CACNA1G: variants seen among roughly 807,000 people sequenced by gnomAD.
The protein encoded by CACNA1G is calcium voltage-gated channel subunit alpha1 G, also known as voltage-dependent T-type calcium channel subunit alpha-1G.
In CACNA1G, 67 loss-of-function variants were observed where a neutral mutation model predicts 219.4. That is an observed-to-expected ratio of 0.31 (90% CI 0.25 to 0.37). The LOEUF is 0.37. CACNA1G is among the 10% of genes least tolerant of loss of function. The pLI is 1.00. For synonymous variants in CACNA1G, 1,296 were observed against 1,345.3 expected (o/e 0.96, Z 0.80); for missense variants, 2,380 against 3,231.4 (o/e 0.74, Z 6.39).
rs532438743 is a variant in CACNA1G at position 50,618,050 on chromosome 17, G to C, written c.5229G>C (p.Val1743=). ...CTATTTCTTCTCCTTTTTTCCAGGT[G>C]GGGAACCTGGGACTTCTCTTCATGT... is the stretch of plus-strand genomic sequence containing the variant. ...LDTVMQALPQ[V]GNLGLLFMLL... Residue 1743 remains valine, a splice_region_variant and synonymous_variant, in exon 31 of 38, where the codon GTG becomes GTC. Transcript: ENST00000359106. The surrounding 1 kb of genome is among the most constrained non-coding windows in gnomAD (Gnocchi z 5.3). The C allele has an allele frequency of 6.2e-7, 1 of 1,613,804 alleles. No homozygotes were observed. The highest frequency in any genetic ancestry group is 8.5e-7 in the Non-Finnish European group (1 of 1,179,776).
In CACNA1G at chr17:50,589,894, T is replaced by TCTCTCTCTCTC. The variant is rs1555655436; in HGVS notation, c.2302-577_2302-576insCTCTCTCTCTC. On this transcript the variant is annotated intron_variant, in intron 9 of 37. Coordinates refer to ENST00000359106, the MANE Select transcript of CACNA1G (RefSeq NM_018896.5). ...TGTGTGACTGGGAATGCGTGCATTT[T>TCTCTCTCTCTC]TCTCTCTCTCTCTCTCTCTGTGTGT... is the stretch of plus-strand genomic sequence containing the variant. Among the ~76,000 whole-genome samples, 348 of 138,852 alleles carry TCTCTCTCTCTC rather than the reference T, an allele frequency of 2.5e-3. 4 individuals carry two copies. Among genetic ancestry groups the TCTCTCTCTCTC allele is most frequent in the African/African-American group, 9.4e-3 (334 of 35,466 alleles). The allele number at this position is 138,852 out of a possible 152,430, so 91.1% of individuals were successfully genotyped here. A position where few individuals can be genotyped will look rare whatever the true frequency, so the allele number is the denominator to read the frequency against.
chr17:50,626,121 T>C lies in CACNA1G; in HGVS notation c.6504T>C (p.Ser2168=), dbSNP rs1304992962. The C allele has an allele frequency of 6.2e-7, 1 of 1,613,666 alleles. No homozygotes were observed. Among genetic ancestry groups the C allele is most frequent in the East Asian group, 2.2e-5 (1 of 44,850 alleles). Reference sequence around the variant, plus strand: ...CCCCGCCCCTGGCCCGGGCCTACTCTTTCTGGGGCCAGTCAAGTACCCAGG... The same window carrying C: ...CCCCGCCCCTGGCCCGGGCCTACTCCTTCTGGGGCCAGTCAAGTACCCAGG... The part of the protein sequence containing the change: ...GPSPPLARAY[S]FWGQSSTQAQ... Residue 2168 remains serine (S), a synonymous_variant, in exon 38 of 38, where the codon TCT becomes TCC. Coordinates refer to ENST00000359106, the MANE Select transcript of CACNA1G (RefSeq NM_018896.5). This position sits in a 1 kb window ranked among gnomAD's most constrained non-coding sequence, Gnocchi z 4.3.
chr17:50,616,364 C>T lies in CACNA1G; in HGVS notation c.5001C>T (p.Phe1667=), dbSNP rs2050598737. ...ESVFKLVAFG[F]RRFFQDRWNQ... is the part of the protein sequence containing the mutation. ...TTTTCAAACTTGTGGCCTTTGGTTT[C>T]CGTCGGTTCTTCCAGGACAGGTAAC... Residue 1667 remains phenylalanine, a synonymous_variant, in exon 28 of 38, where the codon TTC becomes TTT. Coordinates refer to ENST00000359106, the MANE Select transcript of CACNA1G (RefSeq NM_018896.5). 3 of 1,612,100 alleles carry T rather than the reference C, an allele frequency of 1.9e-6. No individual in the cohort carries two copies. Among genetic ancestry groups the T allele is most frequent in the Non-Finnish European group, 2.5e-6 (3 of 1,178,208 alleles).
In CACNA1G at chr17:50,599,500, A is replaced by C; in HGVS notation, c.3331A>C (p.Asn1111His). 2 of 1,603,428 alleles carry C rather than the reference A, an allele frequency of 1.2e-6. No homozygotes were observed. Among genetic ancestry groups the C allele is most frequent in the African/African-American group, 2.7e-5 (2 of 74,880 alleles). ...SSWTSRRSSR[N>H]SLGRAPSLKR... ...CTGGACCAGCAGGCGCTCCAGCCGG[A>C]ACAGCCTCGGCCGTGCACCCAGCCT... The change falls in exon 17 of 38, where the codon AAC becomes CAC. Residue 1111 changes from asparagine (N) to histidine (H), a missense_variant. By Grantham distance (68) the Asn-to-His change is moderately conservative. Around this residue, in one of 17 missense-constraint regions of CACNA1G, gnomAD observed 418 missense variants for 434.3 expected, o/e 0.96. Transcript: ENST00000359106.
rs374247829 is a variant in CACNA1G, at chr17:50,621,264, A to ATT, written c.5926-383_5926-382dup. Reference sequence around the variant, plus strand: ...GACAGTGCTTTGCTGGCCTTTCTTCATTTTTTTTTTTTTTGGTATCATCTT... The same window carrying ATT: ...GACAGTGCTTTGCTGGCCTTTCTTCATTTTTTTTTTTTTTTTGGTATCATCTT... On this transcript the variant is annotated intron_variant, in intron 34 of 37. Transcript: ENST00000359106. The surrounding 1 kb of genome is among the most constrained non-coding windows in gnomAD (Gnocchi z 4.6). Among the ~76,000 whole-genome samples the ATT allele has an allele frequency of 1.4e-5, 2 of 138,674 alleles. No individual in the cohort carries two copies. The highest frequency in any genetic ancestry group is 3.2e-5 in the Non-Finnish European group (2 of 63,464). The allele number at this position is 138,674 out of a possible 152,430, so 91.0% of individuals were successfully genotyped here. A position where few individuals can be genotyped will look rare whatever the true frequency, so the allele number is the denominator to read the frequency against.
Position 50,626,185 on chromosome 17 carries a change from C to A in CACNA1G, c.6568C>A (p.His2190Asn). ...HSRSHSKISK[H>N]MTPPAPCPGP... is the part of the protein sequence containing the mutation. The stretch of plus-strand genomic sequence containing the variant: ...CCGCAGCCACAGCAAGATCTCCAAG[C>A]ACATGACCCCGCCAGCCCCTTGCCC... The change falls in exon 38 of 38, where the codon CAC becomes AAC. Residue 2190 changes from histidine to asparagine, a missense_variant. Coordinates refer to ENST00000359106, the MANE Select transcript of CACNA1G (RefSeq NM_018896.5). The surrounding 1 kb of genome is among the most constrained non-coding windows in gnomAD (Gnocchi z 4.3). The A allele has an allele frequency of 6.2e-7, 1 of 1,613,912 alleles. No homozygotes were observed. The highest frequency in any genetic ancestry group is 8.5e-7 in the Non-Finnish European group (1 of 1,179,862).
At chr17:50,607,452 C>T in intron 24 of CACNA1G, 1 of 336,088 alleles carries the variant, frequency 3.0e-6, no homozygotes, top group Non-Finnish European at 5.7e-6. Flanking sequence ...GTGATCGCAC[C>T]ACTGCACTCC....
At position 50,623,957 on chromosome 17, in the gene CACNA1G, G is replaced by A. The variant is rs768747102; in HGVS notation, c.6111G>A (p.Arg2037=). 1 of 1,613,228 alleles carries A rather than the reference G, an allele frequency of 6.2e-7. No individual in the cohort carries two copies. The highest frequency in any genetic ancestry group is 8.5e-7 in the Non-Finnish European group (1 of 1,179,850). ...ELPGPDLLTV[R]KSGVSRTHSL... is the part of the protein sequence containing the mutation. ...CAGGACCAGACTTACTGACTGTGCG[G>A]AAGTCTGGGGTCAGCCGAACGCACT... is the stretch of plus-strand genomic sequence containing the variant. The change falls in exon 36 of 38, where the codon CGG becomes CGA. Residue 2037 remains arginine (R), a synonymous_variant. Coordinates refer to ENST00000359106, the MANE Select transcript of CACNA1G (RefSeq NM_018896.5).
At chr17:50,581,623 A>C (rs917999160) in intron 9 of CACNA1G, among the ~76,000 whole-genome samples, 1 of 152,298 alleles carries the variant, frequency 6.6e-6, no homozygotes, top group East Asian at 1.9e-4. Context: ...GGCTGGCCCC[A>C]TGCTGTCCTC....
chr17:50,590,424 G>A, intron 9 of CACNA1G, 47 bp from the exon 10 acceptor site: 1 of 1,606,068 alleles, frequency 6.2e-7, no homozygotes, highest in East Asian at 2.2e-5. Context: ...CTGGATCGAG[G>A]GGCTCAGTGA....
At chr17:50,605,523 C>T (rs550220104) in intron 22 of CACNA1G, among the ~76,000 whole-genome samples, 7 of 152,242 alleles carry the variant, frequency 4.6e-5, no homozygotes, top group South Asian at 2.1e-4. Flanking sequence ...GCTGCTCCCC[C>T]ACCTCAGAGT....
chr17:50,621,603 C>T lies in CACNA1G; in HGVS notation c.5926-57C>T. ...GAGAGAGAGCGCGTGTGTGCGTGTG[C>T]ACGCGCGTGTGCGCTGTCCTGGTTT... On this transcript the variant is annotated intron_variant, in intron 34 of 37. Transcript: ENST00000359106. The surrounding 1 kb of genome is among the most constrained non-coding windows in gnomAD (Gnocchi z 4.6). 3 of 1,589,352 alleles carry T rather than the reference C, an allele frequency of 1.9e-6. No homozygotes were observed. The South Asian group carries it at 3.4e-5, about 18-fold the overall frequency.
In CACNA1G at chr17:50,572,020, A is replaced by C; in HGVS notation, c.729A>C (p.Leu243=). The change falls in exon 5 of 38, where the codon CTA becomes CTC. Residue 243 remains leucine, a synonymous_variant. Coordinates refer to ENST00000359106, the MANE Select transcript of CACNA1G (RefSeq NM_018896.5). Reference sequence around the variant, plus strand: ...GGCTGCTTCGGAACCGATGCTTCCTACCTGAGAATTTCAGCCTGTGAGTGG... The same window carrying C: ...GGCTGCTTCGGAACCGATGCTTCCTCCCTGAGAATTTCAGCCTGTGAGTGG... ...WAGLLRNRCF[L]PENFSLPLSV... The C allele has an allele frequency of 6.2e-7, 1 of 1,613,732 alleles. No individual in the cohort carries two copies. The highest frequency in any genetic ancestry group is 8.5e-7 in the Non-Finnish European group (1 of 1,179,698).
chr17:50,561,747 CG>C, intron 1 of CACNA1G, 46 bp downstream of exon 1: 2 of 1,382,616 alleles, frequency 1.4e-6, no homozygotes, highest in Non-Finnish European at 1.9e-6. Flanking sequence ...AGAAGGGGGA[CG>C]GGCCGCACCG....
intron 9 of CACNA1G, among the ~76,000 whole-genome samples, chr17:50,583,861 G>T (rs1156565997): frequency 6.6e-6 from 1 of 152,200 alleles, no homozygotes; most frequent in African/African-American, 2.4e-5. Context: ...TGCAGGCTGG[G>T]TGGAGGAGGG....
Position 50,624,473 on chromosome 17 carries a change from C to T in CACNA1G, c.6343C>T (p.Pro2115Ser). 6.2e-7 allele frequency: 1 copy of T among 1,600,902 alleles called. No homozygotes were observed. The highest frequency in any genetic ancestry group is 1.1e-5 in the South Asian group (1 of 88,090). Residue 2115 changes from proline to serine, a missense_variant, in exon 37 of 38, where the codon CCC becomes TCC. Physicochemically the swap from Pro to Ser is moderately conservative, Grantham distance 74. Transcript: ENST00000359106. ...CAGCGCCCCAACCTGGGGCACCATC[C>T]CCAAACTGCCCCCACCAGGACGCTC... ...PHSAPTWGTI[P>S]KLPPPGRSPL...
At chr17:50,609,835 G>T in intron 25 of CACNA1G, 47 bp from the exon 26 acceptor site, 1 of 1,585,814 alleles carries the variant, frequency 6.3e-7, no homozygotes, top group Non-Finnish European at 8.6e-7. Context: ...GCCCTGCCCA[G>T]CGCACCTGGT....
chr17:50,576,167 G>A lies in CACNA1G; in HGVS notation c.1765G>A (p.Val589Met). The change falls in exon 8 of 38, where the codon GTG becomes ATG. Residue 589 changes from valine to methionine, a missense_variant. By Grantham distance (21) the Val-to-Met change is conservative. Transcript: ENST00000359106. Reference sequence around the variant, plus strand: ...CGGCAGGACTGTGGGCAGCGGGAAGGTGTATCCCACCGTGCACACCAGCCC... The same window carrying A: ...CGGCAGGACTGTGGGCAGCGGGAAGATGTATCCCACCGTGCACACCAGCCC... ...ASGRTVGSGK[V>M]YPTVHTSPPP... 1 of 1,610,186 alleles carries A rather than the reference G, an allele frequency of 6.2e-7. No homozygotes were observed. Among genetic ancestry groups the A allele is most frequent in the Non-Finnish European group, 8.5e-7 (1 of 1,178,802 alleles).
Position 50,602,798 on chromosome 17 carries a change from C to T in CACNA1G, c.3916-22C>T, listed in dbSNP as rs1381480388. The T allele has an allele frequency of 5.0e-6, 8 of 1,612,330 alleles. No individual in the cohort carries two copies. In the Admixed American group the frequency reaches 1.2e-4, roughly 24 times the overall value. ...GGGTGGGGGCTTCCTGGCGGGCAAC[C>T]CCTGCCTCCCCTCTCTTGCAGGAAC... On this transcript the variant is annotated intron_variant, in intron 19 of 37. Transcript: ENST00000359106.
Sources: gnomAD v4.1 joint callset for allele counts (sites outside exome capture counted in the v4.1 genomes callset) on GRCh38, gnomAD v4.1.1 for gene constraint, gnomAD v4.1.1 regional missense constraint, Gnocchi (gnomAD v3.1) non-coding constraint, MANE v1.5 for transcripts, NCBI Gene and HGNC (gene_info 2026-07-23, HGNC 2026-07-21) for gene names.